Variants in LURAP1L observed in about 807,000 individuals in gnomAD.
The protein encoded by LURAP1L is leucine rich adaptor protein 1 like.
Under a neutral mutation model 13.8 loss-of-function variants are expected in LURAP1L, and 12 were observed. The ratio of observed to expected loss-of-function variants is 0.87; its 90% CI spans 0.56 to 1.41. The LOEUF is 1.41. LURAP1L is among the 40% of genes most tolerant of loss of function. The pLI is 0.00. For missense variants in LURAP1L, 375 were observed against 292.9 expected, an observed-to-expected ratio of 1.28 and a Z score of -2.04; for synonymous variants, 139 against 119.2, an observed-to-expected ratio of 1.17 and a Z score of -1.08.
chr9:12,796,438 T>C (rs146867059), intron 1 of LURAP1L, among the ~76,000 whole-genome samples: 17 of 152,182 alleles, frequency 1.1e-4, no homozygotes, highest in African/African-American at 4.1e-4. Flanking sequence ...TGCTTAACAT[T>C]GTGTTATAAA....
chr9:12,782,810 A>G (rs1819291131), intron 1 of LURAP1L, among the ~76,000 whole-genome samples: 1 of 152,192 alleles, frequency 6.6e-6, no homozygotes, highest in South Asian at 2.1e-4. Context: ...TGCTTTGAGT[A>G]GTATGAACAT....
intron 1 of LURAP1L, among the ~76,000 whole-genome samples, chr9:12,801,096 A>G (rs1348463708): frequency 6.6e-6 from 1 of 152,168 alleles, no homozygotes; most frequent in Non-Finnish European, 1.5e-5. Context: ...TTACATAAGG[A>G]TAAAGATAAA....
chr9:12,777,305 A>T, intron 1 of LURAP1L: 1 of 985,454 alleles, frequency 1.0e-6, no homozygotes, highest in Non-Finnish European at 1.2e-6. Context: ...AAAATGGAAA[A>T]GATGACAAAC....
At chr9:12,779,751 T>G (rs1303182363) in intron 1 of LURAP1L, among the ~76,000 whole-genome samples, 4 of 152,192 alleles carry the variant, frequency 2.6e-5, no homozygotes, top group Non-Finnish European at 5.9e-5. Context: ...CATGCTCATG[T>G]GGACACCTAG....
At chr9:12,810,059 C>T (rs191009426) in intron 1 of LURAP1L, among the ~76,000 whole-genome samples, 2 of 152,268 alleles carry the variant, frequency 1.3e-5, no homozygotes, top group East Asian at 1.9e-4. Flanking sequence ...AAAACTCCAG[C>T]CTGTTAGGTT....
chr9:12,805,118 C>G (rs1819639312), intron 1 of LURAP1L, among the ~76,000 whole-genome samples: 2 of 152,060 alleles, frequency 1.3e-5, no homozygotes, highest in Admixed American at 6.5e-5. Flanking sequence ...CAATATATAT[C>G]TAAAGATTCA....
intron 1 of LURAP1L, among the ~76,000 whole-genome samples, chr9:12,815,137 T>C (rs1040528145): frequency 2.6e-5 from 4 of 152,148 alleles, no homozygotes; most frequent in African/African-American, 9.7e-5. Flanking sequence ...GATTTATAAG[T>C]ATAGATATTG....
intron 1 of LURAP1L, among the ~76,000 whole-genome samples, chr9:12,791,737 C>T (rs1819443847): frequency 6.6e-6 from 1 of 150,594 alleles, no homozygotes; most frequent in Non-Finnish European, 1.5e-5. Context: ...CATTTTTCAA[C>T]TTTCTTAAGA....
chr9:12,802,694 C>T (rs1219894597), intron 1 of LURAP1L, among the ~76,000 whole-genome samples: 1 of 152,096 alleles, frequency 6.6e-6, no homozygotes, highest in African/African-American at 2.4e-5. Flanking sequence ...GGTTAAAACT[C>T]CTGTCAAGTG....
chr9:12,817,426 C>A (rs1350291015), intron 1 of LURAP1L, among the ~76,000 whole-genome samples: 1 of 152,120 alleles, frequency 6.6e-6, no homozygotes, highest in Non-Finnish European at 1.5e-5. Context: ...CTTCCATGCT[C>A]ATGGGGGGAA....
At chr9:12,821,184 G>T (rs1334109518) in intron 1 of LURAP1L, among the ~76,000 whole-genome samples, 1 of 152,160 alleles carries the variant, frequency 6.6e-6, no homozygotes, top group Non-Finnish European at 1.5e-5. Flanking sequence ...GGAGCCTGAT[G>T]CATCTGGCAG....
chr9:12,789,107 A>G (rs2118485308), intron 1 of LURAP1L, among the ~76,000 whole-genome samples: 1 of 151,194 alleles, frequency 6.6e-6, no homozygotes, highest in East Asian at 2.0e-4. Flanking sequence ...AAAAGAAAAG[A>G]AAAGAAAAAA....
At chr9:12,784,781 G>A (rs1819326470) in intron 1 of LURAP1L, among the ~76,000 whole-genome samples, 1 of 151,818 alleles carries the variant, frequency 6.6e-6, no homozygotes, top group African/African-American at 2.4e-5. Flanking sequence ...CTTCAAGGTG[G>A]TGAGTTCCCT....
Position 12,775,516 on chromosome 9 carries a change from C to G in LURAP1L, c.-200C>G. The G allele has an allele frequency of 4.3e-6, 3 of 701,496 alleles. No homozygotes were observed. Among genetic ancestry groups the G allele is most frequent in the Non-Finnish European group, 6.5e-6 (3 of 463,508 alleles). 43.5% of individuals were successfully genotyped at this position (701,496 alleles called of 1,614,324 possible). ...AGGAGTCGCAGCGGACTGGGAACTG[C>G]AGCTGCGACCCCCCGCGTCCTGTGC... On this transcript the variant is annotated 5_prime_UTR_variant, in exon 1 of 2. Coordinates refer to ENST00000319264, the MANE Select transcript of LURAP1L (RefSeq NM_203403.2).
chr9:12,788,365 C>CAA (rs35611871), intron 1 of LURAP1L, among the ~76,000 whole-genome samples: 1 of 151,594 alleles, frequency 6.6e-6, no homozygotes. Flanking sequence ...AGTATACATT[C>CAA]AAAAACACCT....
In LURAP1L at chr9:12,811,960, G is replaced by A. The variant is rs548701280; in HGVS notation, c.313-9426G>A. Among the ~76,000 whole-genome samples, 3 of 152,230 alleles carry A rather than the reference G, an allele frequency of 2.0e-5. No individual in the cohort carries two copies. In the East Asian group the frequency reaches 5.8e-4, roughly 29 times the overall value. The stretch of plus-strand genomic sequence containing the variant: ...CTCAATCACATGGCCAGTAGCAGTC[G>A]ACAGGTCTATGTCCTTGCTAGCTGT... On this transcript the variant is annotated intron_variant, in intron 1 of 1. Coordinates refer to ENST00000319264, the MANE Select transcript of LURAP1L (RefSeq NM_203403.2).
In LURAP1L at chr9:12,822,896, T is replaced by C. The variant is rs1819900725; in HGVS notation, c.*1136T>C. On this transcript the variant is annotated 3_prime_UTR_variant, in exon 2 of 2. Transcript: ENST00000319264. ...TTTGTAATGATAAATGTTTCCGGAC[T>C]AAACACTCTATAATACAAATCAAAA... Among the ~76,000 whole-genome samples the C allele has an allele frequency of 6.6e-6, 1 of 152,214 alleles. No individual in the cohort carries two copies. The highest frequency in any genetic ancestry group is 2.4e-5 in the African/African-American group (1 of 41,454).
Position 12,822,636 on chromosome 9 carries a change from A to G in LURAP1L, c.*876A>G, listed in dbSNP as rs558312767. Among the ~76,000 whole-genome samples the G allele has an allele frequency of 1.3e-5, 2 of 152,336 alleles. No homozygotes were observed. Among genetic ancestry groups the G allele is most frequent in the African/African-American group, 4.8e-5 (2 of 41,598 alleles). ...AGACAGATAAATATCCCGATAGCCTACTATCAGCATCCTACTACTGCTTCC... is the reference window on the plus strand; with the variant it reads ...AGACAGATAAATATCCCGATAGCCTGCTATCAGCATCCTACTACTGCTTCC... On this transcript the variant is annotated 3_prime_UTR_variant, in exon 2 of 2. Coordinates refer to ENST00000319264, the MANE Select transcript of LURAP1L (RefSeq NM_203403.2).
In LURAP1L at chr9:12,821,904, G is replaced by A. The variant is rs550183616; in HGVS notation, c.*144G>A. ...TTTGAAACTGCTTAATGGTATTGCTGTTGCTCCTAATACTTCTCATCTGAG... is the reference window on the plus strand; with the variant it reads ...TTTGAAACTGCTTAATGGTATTGCTATTGCTCCTAATACTTCTCATCTGAG... On this transcript the variant is annotated 3_prime_UTR_variant, in exon 2 of 2. Transcript: ENST00000319264. 1.1e-5 allele frequency: 10 copies of A among 907,646 alleles called. No individual in the cohort carries two copies. The East Asian group carries it at 2.0e-4, about 18-fold the overall frequency. 56.2% of individuals were successfully genotyped at this position (907,646 alleles called of 1,614,324 possible).
Sources: gnomAD v4.1 joint callset for allele counts (sites outside exome capture counted in the v4.1 genomes callset) on GRCh38, gnomAD v4.1.1 for gene constraint, MANE v1.5 for transcripts, NCBI Gene and HGNC (gene_info 2026-07-23, HGNC 2026-07-21) for gene names.